Variants in AATK observed in about 807,000 individuals in gnomAD.
AATK encodes serine/threonine-protein kinase LMTK1.
AATK carries 91 observed loss-of-function variants against 114.3 expected under a neutral mutation model. That is an observed-to-expected ratio of 0.80 (90% confidence interval 0.67 to 0.95). The LOEUF (loss-of-function observed/expected upper bound fraction) is 0.95, where lower values mean the gene tolerates loss of function less well. Among genes scored for constraint, AATK ranks in the 40% least tolerant of loss-of-function variants. The pLI is 0.00. For missense variants in AATK, 2,176 were observed against 1,965.2 expected, an observed-to-expected ratio of 1.11 and a Z score of -2.03; for synonymous variants, 1,075 against 916.5, an observed-to-expected ratio of 1.17 and a Z score of -3.12.
rs1378521296 is a variant in AATK at position 81,121,450 on chromosome 17, G to T, written c.2486C>A (p.Pro829His). 3.8e-6 allele frequency: 6 copies of T among 1,594,046 alleles called. No homozygotes were observed. The highest frequency in any genetic ancestry group is 1.1e-5 in the South Asian group (1 of 88,596). Reference sequence around the variant, plus strand: ...GGCAGACACCTCGCCACCAGTAGCAGGCGTGGGAGAGTCAGGCAGGGCATC... The same window carrying T: ...GGCAGACACCTCGCCACCAGTAGCATGCGTGGGAGAGTCAGGCAGGGCATC... ...APDALPDSPT[P>H]ATGGEVSAIK... The change falls in exon 11 of 14, where the codon CCT becomes CAT. Residue 829 changes from proline (P) to histidine (H), a missense_variant. This residue lies in a region of AATK where 1,701 missense variants were observed against 1,394.7 expected (regional missense o/e 1.22). Coordinates refer to ENST00000326724, the MANE Select transcript of AATK (RefSeq NM_001080395.3).
chr17:81,136,983 C>T (rs1057357193), intron 1 of AATK, among the ~76,000 whole-genome samples: 7 of 152,154 alleles, frequency 4.6e-5, no homozygotes, highest in South Asian at 2.1e-4. Context: ...CCTTGCCGGG[C>T]GCGGTGGCTC....
Position 81,125,107 on chromosome 17 carries a change from C to T in AATK, c.756-93G>A, listed in dbSNP as rs934651272. On this transcript the variant is annotated intron_variant, in intron 7 of 13. Coordinates refer to ENST00000326724, the MANE Select transcript of AATK (RefSeq NM_001080395.3). ...GGGAGGGTCAGTGGGGTGTGCCGGG[C>T]GGGGGCATCCAGCACAGGGTCCTTT... 79 of 858,410 alleles carry T rather than the reference C, an allele frequency of 9.2e-5. 1 individual carries two copies. The highest frequency in any genetic ancestry group is 4.3e-4 in the Admixed American group (17 of 39,344). 53.2% of individuals were successfully genotyped at this position (858,410 alleles called of 1,614,324 possible).
rs535910674 is a variant in AATK at position 81,157,979 on chromosome 17, C to T, written c.55+7959G>A. Among the ~76,000 whole-genome samples the T allele has an allele frequency of 1.4e-3, 207 of 152,366 alleles. 1 individual carries two copies. The highest frequency in any genetic ancestry group is 3.4e-3 in the Middle Eastern group (1 of 294). ...GGCATCCAGCTGGCCCCCTACAGAC[C>T]TGCACGGACTGAGTCCCTCCCTCAG... On this transcript the variant is annotated intron_variant, in intron 1 of 13. Coordinates refer to ENST00000326724, the MANE Select transcript of AATK (RefSeq NM_001080395.3).
chr17:81,119,514 A>G lies in AATK; in HGVS notation c.3950T>C (p.Leu1317Pro). 3.2e-6 allele frequency: 5 copies of G among 1,566,006 alleles called. No individual in the cohort carries two copies. Among genetic ancestry groups the G allele is most frequent in the Non-Finnish European group, 4.3e-6 (5 of 1,158,576 alleles). ...MTAKAAFAMA[L>P]DPAAPAPAAP... is the part of the protein sequence containing the mutation. ...AGCCGGGGCGGGTGCGGCCGGGTCT[A>G]GGGCCATGGCGAAGGCTGCCTTGGC... The change falls in exon 13 of 14, where the codon CTA becomes CCA. Residue 1317 changes from leucine (L) to proline (P), a missense_variant. Leu to Pro is a moderately conservative substitution (Grantham distance 98, BLOSUM62 -3). Coordinates refer to ENST00000326724, the MANE Select transcript of AATK (RefSeq NM_001080395.3).
At chr17:81,134,233 G>T in intron 2 of AATK, 135 bp downstream of exon 2, 2 of 1,209,366 alleles carry the variant, frequency 1.7e-6, no homozygotes, top group South Asian at 1.5e-5. Context: ...TGGTCCCCAG[G>T]TGGCCCCACA....
chr17:81,138,015 C>A (rs938265348), intron 1 of AATK, among the ~76,000 whole-genome samples: 2 of 151,396 alleles, frequency 1.3e-5, no homozygotes, highest in African/African-American at 4.9e-5. Flanking sequence ...CGTACACGCA[C>A]CCACATGCAC....
At chr17:81,158,048 C>G (rs942197670) in intron 1 of AATK, among the ~76,000 whole-genome samples, 2 of 152,222 alleles carry the variant, frequency 1.3e-5, no homozygotes, top group African/African-American at 4.8e-5. Flanking sequence ...TCAGGCTTGC[C>G]AAGGAGGAAA....
chr17:81,142,552 T>C (rs62075271), intron 1 of AATK, among the ~76,000 whole-genome samples: 55,842 of 152,124 alleles, frequency 0.37, 10,674 homozygotes, highest in Middle Eastern at 0.43. Context: ...TAATGTCTAT[T>C]TGGCCATTGT....
intron 1 of AATK, among the ~76,000 whole-genome samples, chr17:81,159,327 G>A (rs992101980): frequency 6.6e-6 from 1 of 152,160 alleles, no homozygotes; most frequent in Non-Finnish European, 1.5e-5. Context: ...GCAGCTGGGA[G>A]GGCGCCGGCG....
chr17:81,118,266 G>A lies in AATK; in HGVS notation c.*136C>T, dbSNP rs556632636. 14 of 848,738 alleles carry A rather than the reference G, an allele frequency of 1.6e-5. No individual in the cohort carries two copies. Among genetic ancestry groups the A allele is most frequent in the East Asian group, 1.6e-4 (6 of 36,862 alleles). The allele number at this position is 848,738 out of a possible 1,614,324, so 52.6% of individuals were successfully genotyped here. A position where few individuals can be genotyped will look rare whatever the true frequency, so the allele number is the denominator to read the frequency against. On this transcript the variant is annotated 3_prime_UTR_variant, in exon 14 of 14. Transcript: ENST00000326724. Reference sequence around the variant, plus strand: ...ATCCCACGGGCTTCTCCAGGACACCGCGTGGGGCAGAGGCACCTGAATCTG... The same window carrying A: ...ATCCCACGGGCTTCTCCAGGACACCACGTGGGGCAGAGGCACCTGAATCTG...
At chr17:81,125,189 C>A in intron 7 of AATK, 175 bp from the exon 8 acceptor site, 2 of 661,760 alleles carry the variant, frequency 3.0e-6, no homozygotes, top group South Asian at 1.8e-5. Flanking sequence ...GACACTGCCA[C>A]CCCCCATCCC....
intron 1 of AATK, among the ~76,000 whole-genome samples, chr17:81,144,095 G>T (rs1366373001): frequency 1.3e-5 from 2 of 152,172 alleles, no homozygotes; most frequent in African/African-American, 4.8e-5. Context: ...CCTTCAGGAA[G>T]CTTCCTGCTA....
intron 1 of AATK, chr17:81,160,291 A>G: frequency 1.0e-6 from 1 of 983,646 alleles, no homozygotes; most frequent in Non-Finnish European, 1.2e-6. Context: ...CCCCAGAGTG[A>G]CCCCCGGGAG....
At chr17:81,130,800 GGGCTGTCCT>G (rs1173099640) in intron 3 of AATK, among the ~76,000 whole-genome samples, 1 of 152,180 alleles carries the variant, frequency 6.6e-6, no homozygotes, top group African/African-American at 2.4e-5. Flanking sequence ...TGGAGGCCGA[GGGCTGTCCT>G]GGACCCTGCC....
intron 1 of AATK, among the ~76,000 whole-genome samples, chr17:81,143,298 G>A (rs889511089): frequency 6.6e-6 from 1 of 152,126 alleles, no homozygotes; most frequent in African/African-American, 2.4e-5. Flanking sequence ...CCCAGGACAC[G>A]TCACCTGACC....
intron 1 of AATK, among the ~76,000 whole-genome samples, chr17:81,153,695 C>T (rs775088303): frequency 2.0e-5 from 3 of 152,102 alleles, no homozygotes; most frequent in East Asian, 1.9e-4. Flanking sequence ...ATGGACCTCC[C>T]GTACCCCAAA....
Position 81,163,211 on chromosome 17 carries a change from C to T in AATK, c.55+2727G>A, listed in dbSNP as rs141746589. On this transcript the variant is annotated intron_variant, in intron 1 of 13. Coordinates refer to ENST00000326724, the MANE Select transcript of AATK (RefSeq NM_001080395.3). ...CATGCCCACTTCCAGCCTAGGACAG[C>T]TCCAGGCCCCAGGGCTCAGGACGAC... is the stretch of plus-strand genomic sequence containing the variant. Among the ~76,000 whole-genome samples, 74 of 152,288 alleles carry T rather than the reference C, an allele frequency of 4.9e-4. 1 individual carries two copies. Among genetic ancestry groups the T allele is most frequent in the African/African-American group, 1.4e-3 (60 of 41,566 alleles).
In AATK at chr17:81,118,569, G is replaced by A. The variant is rs112754083; in HGVS notation, c.4085-127C>T. The A allele has an allele frequency of 1.1e-5, 11 of 970,078 alleles. No homozygotes were observed. In the African/African-American group the frequency reaches 1.3e-4, roughly 11 times the overall value. The allele number at this position is 970,078 out of a possible 1,614,324, so 60.1% of individuals were successfully genotyped here. Reference sequence around the variant, plus strand: ...GGGCCCCTTCCCTGCAGCAGATCTGGCTGTGTCTAGGTGAGAGATGGACCC... The same window carrying A: ...GGGCCCCTTCCCTGCAGCAGATCTGACTGTGTCTAGGTGAGAGATGGACCC... On this transcript the variant is annotated intron_variant, in intron 13 of 13. Transcript: ENST00000326724.
At chr17:81,140,189 T>C (rs1598947800) in intron 1 of AATK, among the ~76,000 whole-genome samples, 1 of 152,098 alleles carries the variant, frequency 6.6e-6, no homozygotes, top group African/African-American at 2.4e-5. Flanking sequence ...GCCTGGCTGG[T>C]GACTGTTTCT....
Sources: gnomAD v4.1 joint callset for allele counts (sites outside exome capture counted in the v4.1 genomes callset) on GRCh38, gnomAD v4.1.1 for gene constraint, gnomAD v4.1.1 regional missense constraint, MANE v1.5 for transcripts, NCBI Gene and HGNC (gene_info 2026-07-23, HGNC 2026-07-21) for gene names.